Variants in ROBO2 observed in about 807,000 individuals in gnomAD.
The protein encoded by ROBO2 is roundabout homolog 2.
Under a neutral mutation model 160.8 loss-of-function variants are expected in ROBO2, and 53 were observed. The observed-to-expected ratio is 0.33, with a 90% confidence interval of 0.26 to 0.41. The LOEUF is 0.41. Among genes scored for constraint, ROBO2 ranks in the 10% least tolerant of loss-of-function variants. The pLI is 1.00. For missense variants in ROBO2, 1,577 were observed against 1,722.4 expected (o/e 0.92, Z 1.49); for synonymous variants, 664 against 611.7 (o/e 1.09, Z -1.26).
At chr3:77,293,130 G>C (rs1193233802) in intron 2 of ROBO2, among the ~76,000 whole-genome samples, 1 of 150,536 alleles carries the variant, frequency 6.6e-6, no homozygotes, top group Middle Eastern at 3.6e-3. Flanking sequence ...GATCACCCCA[G>C]ACATAAAGTA....
At chr3:76,837,147 C>T (rs2067774645) in intron 2 of ROBO2, among the ~76,000 whole-genome samples, 1 of 151,844 alleles carries the variant, frequency 6.6e-6, no homozygotes, top group South Asian at 2.1e-4. Context: ...GATTCCCATG[C>T]TTTCATTTAC....
chr3:76,391,057 CT>C (rs1324038163), intron 2 of ROBO2, among the ~76,000 whole-genome samples: 1 of 151,798 alleles, frequency 6.6e-6, no homozygotes, highest in Non-Finnish European at 1.5e-5. Flanking sequence ...AGCACAGTGC[CT>C]AGTAAATAGC....
intron 2 of ROBO2, among the ~76,000 whole-genome samples, chr3:76,498,475 ATAAG>A (rs1326918471): frequency 3.3e-5 from 5 of 152,072 alleles, no homozygotes; most frequent in Non-Finnish European, 7.4e-5. Context: ...AAATAAATAA[ATAAG>A]TGTGAGGTAA....
At chr3:77,353,012 AC>A (rs1335669197) in intron 2 of ROBO2, among the ~76,000 whole-genome samples, 4 of 152,242 alleles carry the variant, frequency 2.6e-5, no homozygotes, top group East Asian at 1.9e-4. Flanking sequence ...CTCAGTGTTT[AC>A]AACTTATCCA....
At chr3:76,427,368 G>C (rs1337304026) in intron 2 of ROBO2, among the ~76,000 whole-genome samples, 2 of 152,080 alleles carry the variant, frequency 1.3e-5, no homozygotes, top group African/African-American at 4.8e-5. Flanking sequence ...ATGATCTGGA[G>C]AGCTATCAAT....
chr3:75,921,645 A>T (rs555133469), intron 1 of ROBO2, among the ~76,000 whole-genome samples: 98 of 152,132 alleles, frequency 6.4e-4, no homozygotes, highest in Non-Finnish European at 1.4e-3. Context: ...GTGTGTTTCT[A>T]TGCAGATGTG....
At chr3:76,345,130 G>C (rs1489435757) in intron 2 of ROBO2, among the ~76,000 whole-genome samples, 1 of 152,014 alleles carries the variant, frequency 6.6e-6, no homozygotes, top group Non-Finnish European at 1.5e-5. Flanking sequence ...AGGTTTTGGA[G>C]AGAAAAAAGA....
intron 2 of ROBO2, among the ~76,000 whole-genome samples, chr3:76,172,617 G>A (rs1159578731): frequency 3.3e-5 from 5 of 151,764 alleles, no homozygotes; most frequent in East Asian, 1.9e-4. Context: ...CAAAATTACC[G>A]AACATACTGA....
intron 2 of ROBO2, among the ~76,000 whole-genome samples, chr3:76,680,345 G>T (rs2092524757): frequency 1.5e-5 from 2 of 131,278 alleles, no homozygotes; most frequent in Admixed American, 8.0e-5. Flanking sequence ...TATACTTCCT[G>T]ACATGGATAT....
rs142020333 is a variant in ROBO2, at chr3:76,798,561, A to G, written c.110-299453A>G. On this transcript the variant is annotated intron_variant, in intron 2 of 26. Coordinates refer to the ROBO2 transcript ENST00000487694. ...CAACTGATGCTGAAAACGCTTTGAT[A>G]AAATTCAGTATTGCTTCATGATAAA... Among the ~76,000 whole-genome samples, 888 of 152,274 alleles carry G rather than the reference A, an allele frequency of 5.8e-3. 5 individuals are homozygous for G. Among genetic ancestry groups the G allele is most frequent in the Middle Eastern group, 0.024 (7 of 294 alleles).
At chr3:76,692,910 G>A (rs1418706752) in intron 2 of ROBO2, among the ~76,000 whole-genome samples, 2 of 150,428 alleles carry the variant, frequency 1.3e-5, no homozygotes, top group Non-Finnish European at 3.0e-5. Context: ...TATATATATA[G>A]TGTGTGTGTA....
chr3:77,431,300 T>A (rs2078747187), intron 2 of ROBO2, among the ~76,000 whole-genome samples: 1 of 152,152 alleles, frequency 6.6e-6, no homozygotes, highest in South Asian at 2.1e-4. Context: ...ATTTCAGGAA[T>A]GTGTCCTTTG....
chr3:76,837,018 A>G (rs1321681980), intron 2 of ROBO2, among the ~76,000 whole-genome samples: 2 of 121,388 alleles, frequency 1.6e-5, no homozygotes, highest in African/African-American at 5.6e-5. Flanking sequence ...ATTGCATATT[A>G]TATTATATAT....
intron 1 of ROBO2, among the ~76,000 whole-genome samples, chr3:75,919,471 C>T (rs567482199): frequency 3.9e-5 from 6 of 152,234 alleles, no homozygotes; most frequent in South Asian, 2.1e-4. Context: ...CATCGATGTT[C>T]GTCAGTGATA....
chr3:76,885,689 G>T (rs1016969387), intron 2 of ROBO2, among the ~76,000 whole-genome samples: 2 of 152,150 alleles, frequency 1.3e-5, no homozygotes, highest in African/African-American at 4.8e-5. Context: ...AAATGAAGTG[G>T]TTGGTACTTA....
intron 2 of ROBO2, among the ~76,000 whole-genome samples, chr3:76,724,073 A>G (rs1010567097): frequency 1.3e-5 from 2 of 152,152 alleles, no homozygotes; most frequent in Admixed American, 1.3e-4. Context: ...CGATTATTCT[A>G]CCTCTGACAT....
At chr3:75,952,728 C>T (rs1331334982) in intron 2 of ROBO2, among the ~76,000 whole-genome samples, 2 of 151,968 alleles carry the variant, frequency 1.3e-5, no homozygotes, top group Admixed American at 6.6e-5. Context: ...AAATAATCCT[C>T]ACTACAGTGT....
chr3:77,322,838 ATATAT>A (rs746108124), intron 2 of ROBO2, among the ~76,000 whole-genome samples: 13,655 of 104,770 alleles, frequency 0.13, 1,858 homozygotes, highest in East Asian at 0.19. Context: ...ATATTATGTA[ATATAT>A]TATATTATAC....
chr3:77,540,156 TG>T (rs2092389877), intron 6 of ROBO2, among the ~76,000 whole-genome samples: 1 of 152,126 alleles, frequency 6.6e-6, no homozygotes, highest in Non-Finnish European at 1.5e-5. Flanking sequence ...TTGAAGGAAG[TG>T]TGCTTAAGAA....
Sources: gnomAD v4.1 joint callset for allele counts (sites outside exome capture counted in the v4.1 genomes callset) on GRCh38, gnomAD v4.1.1 for gene constraint, MANE v1.5 for transcripts, NCBI Gene and HGNC (gene_info 2026-07-23, HGNC 2026-07-21) for gene names.